ELF2: variants seen among roughly 807,000 people sequenced by gnomAD.
ELF2 encodes ETS-related transcription factor Elf-2.
A neutral mutation model predicts 54.8 loss-of-function variants in ELF2; 11 were observed. The observed-to-expected ratio is 0.20, with a 90% CI of 0.13 to 0.33. The LOEUF is 0.33. Ranked by LOEUF, ELF2 falls within the 10% of genes least tolerant of loss-of-function variation. The probability of loss-of-function intolerance (pLI) is 1.00; values close to 1 mark genes in which losing one functional copy is unlikely to be tolerated. For missense variants in ELF2, 513 were observed against 703.0 expected, an observed-to-expected ratio of 0.73 and a Z score of 3.06; for synonymous variants, 203 against 245.1, an observed-to-expected ratio of 0.83 and a Z score of 1.61.
chr4:139,140,287 C>T (rs995965677), intron 1 of ELF2, among the ~76,000 whole-genome samples: 5 of 152,194 alleles, frequency 3.3e-5, no homozygotes, highest in African/African-American at 1.2e-4. Flanking sequence ...CTACTTCTAA[C>T]TCCCAAGCCT....
At position 139,097,977 on chromosome 4, in the gene ELF2, G is replaced by A. The variant is rs576687634; in HGVS notation, c.239-24410C>T. ...AGCCTCCCAAAGCACTAGGATTACCGGCATGAGCTGCCATGCCTGGCTGAA... is the reference window on the plus strand; with the variant it reads ...AGCCTCCCAAAGCACTAGGATTACCAGCATGAGCTGCCATGCCTGGCTGAA... On this transcript the variant is annotated intron_variant, in intron 4 of 9. Transcript: ENST00000686138. Among the ~76,000 whole-genome samples the A allele has an allele frequency of 2.6e-5, 4 of 152,260 alleles. No homozygotes were observed. The East Asian group carries it at 5.8e-4, about 22-fold the overall frequency.
intron 1 of ELF2, among the ~76,000 whole-genome samples, chr4:139,157,888 G>A (rs916278607): frequency 6.6e-6 from 1 of 152,280 alleles, no homozygotes; most frequent in Middle Eastern, 3.4e-3. Flanking sequence ...GGATAAACTC[G>A]GGGCCAGTGG....
At chr4:139,101,900 C>T (rs1426562646) in intron 4 of ELF2, 1 of 151,504 alleles carries the variant, frequency 6.6e-6, no homozygotes, top group Non-Finnish European at 1.5e-5. Context: ...TTCTGCCAGC[C>T]TTGTTTTTCC....
At chr4:139,093,026 C>A (rs555488297) in intron 4 of ELF2, among the ~76,000 whole-genome samples, 1 of 146,608 alleles carries the variant, frequency 6.8e-6, no homozygotes, top group African/African-American at 2.5e-5. Context: ...AGTGCAGTGG[C>A]GCAATCTCGG....
chr4:139,114,577 A>T (rs1475130217), intron 4 of ELF2, among the ~76,000 whole-genome samples: 1 of 146,644 alleles, frequency 6.8e-6, no homozygotes, highest in Admixed American at 6.9e-5. Context: ...ACACACACAC[A>T]CACACACACA....
chr4:139,088,418 C>A (rs1385726135), intron 4 of ELF2, among the ~76,000 whole-genome samples: 1 of 152,042 alleles, frequency 6.6e-6, no homozygotes, highest in African/African-American at 2.4e-5. Flanking sequence ...TGAACTCTAC[C>A]CACTGAAAAA....
intron 3 of ELF2, among the ~76,000 whole-genome samples, chr4:139,128,009 C>T (rs185211015): frequency 6.6e-6 from 1 of 151,256 alleles, no homozygotes; most frequent in Non-Finnish European, 1.5e-5. Context: ...GCGGCTCACA[C>T]CTGTAATCCC....
At chr4:139,170,465 T>C (rs1270949436) in intron 1 of ELF2, among the ~76,000 whole-genome samples, 5 of 151,430 alleles carry the variant, frequency 3.3e-5, no homozygotes, top group South Asian at 2.1e-4. Context: ...GGTTTCACCA[T>C]GTTGGCCAGG....
chr4:139,091,756 A>C (rs1732598708), intron 4 of ELF2, among the ~76,000 whole-genome samples: 1 of 152,178 alleles, frequency 6.6e-6, no homozygotes, highest in Non-Finnish European at 1.5e-5. Context: ...TTGGGACTAC[A>C]GGCATGAGCC....
chr4:139,115,165 T>A lies in ELF2; in HGVS notation c.238+9999A>T, dbSNP rs1735516318. Reference sequence around the variant, plus strand: ...CTGCTCCAGGATCCACTCCTCTAGGTTGAGGCGCTTCCGTAGCTCCTTGCG... The same window carrying A: ...CTGCTCCAGGATCCACTCCTCTAGGATGAGGCGCTTCCGTAGCTCCTTGCG... On this transcript the variant is annotated intron_variant, in intron 4 of 9. Coordinates refer to ENST00000686138, the MANE Select transcript of ELF2 (RefSeq NM_001331036.3). 2.5e-6 allele frequency: 4 copies of A among 1,612,682 alleles called. No homozygotes were observed. The Admixed American group carries it at 6.7e-5, about 27-fold the overall frequency.
chr4:139,072,037 C>G lies in ELF2; in HGVS notation c.355G>C (p.Glu119Gln). The G allele has an allele frequency of 1.2e-6, 2 of 1,606,992 alleles. No individual in the cohort carries two copies. Among genetic ancestry groups the G allele is most frequent in the Non-Finnish European group, 1.7e-6 (2 of 1,178,518 alleles). The change falls in exon 6 of 10, where the codon GAA becomes CAA. Residue 119 changes from glutamate to glutamine, a missense_variant and splice_region_variant. By Grantham distance (29) the Glu-to-Gln change is conservative. This residue lies in a region of ELF2 where 203 missense variants were observed against 245.9 expected (regional missense o/e 0.83). Coordinates refer to ENST00000686138, the MANE Select transcript of ELF2 (RefSeq NM_001331036.3). ...TCLRDSRSPV[E>Q]VFVPPCVSTP... The stretch of plus-strand genomic sequence containing the variant: ...GATACACAAGGAGGAACAAACACTT[C>G]CACTATAAAAAAAAGTTGAAAAATT...
chr4:139,115,412 C>G, intron 4 of ELF2: 1 of 994,304 alleles, frequency 1.0e-6, no homozygotes. Flanking sequence ...TCGGGCCCCT[C>G]CCTGCGCCAC....
intron 4 of ELF2, among the ~76,000 whole-genome samples, chr4:139,074,083 G>A (rs753258441): frequency 6.6e-6 from 1 of 152,078 alleles, no homozygotes; most frequent in African/African-American, 2.4e-5. Flanking sequence ...AGCTGAGATC[G>A]CACCACTGCG....
intron 1 of ELF2, among the ~76,000 whole-genome samples, chr4:139,151,035 A>AAAAGAAAG (rs201472609): frequency 2.4e-5 from 1 of 42,526 alleles, no homozygotes; most frequent in African/African-American, 5.8e-5. Flanking sequence ...AAAAAAAAAA[A>AAAAGAAAG]GAAAGAAAGA....
At chr4:139,116,416 T>C (rs902103330) in intron 4 of ELF2, among the ~76,000 whole-genome samples, 1 of 149,812 alleles carries the variant, frequency 6.7e-6, no homozygotes, top group Non-Finnish European at 1.5e-5. Flanking sequence ...TCCAAGGAAG[T>C]AGAGGCATGA....
At position 139,154,634 on chromosome 4, in the gene ELF2, G is replaced by A. The variant is rs1740341591; in HGVS notation, c.-251-15137C>T. Among the ~76,000 whole-genome samples the A allele has an allele frequency of 2.0e-5, 3 of 151,576 alleles. 1 individual carries two copies. The South Asian group carries it at 6.3e-4, about 32-fold the overall frequency. On this transcript the variant is annotated intron_variant, in intron 1 of 9. Transcript: ENST00000686138. Reference sequence around the variant, plus strand: ...ATTTGCCTACTAGGAAATTCCTTGTGGGCCTCAAGATCTTTACACTAAAAT... The same window carrying A: ...ATTTGCCTACTAGGAAATTCCTTGTAGGCCTCAAGATCTTTACACTAAAAT...
chr4:139,081,841 C>G (rs1731158494), intron 4 of ELF2, among the ~76,000 whole-genome samples: 2 of 152,110 alleles, frequency 1.3e-5, no homozygotes, highest in Non-Finnish European at 2.9e-5. Context: ...TGTAAGGGAG[C>G]TTCAGATTAC....
chr4:139,159,655 G>C (rs930303260), intron 1 of ELF2, among the ~76,000 whole-genome samples: 8 of 152,050 alleles, frequency 5.3e-5, no homozygotes, highest in Non-Finnish European at 7.4e-5. Context: ...GTCCTGAAAT[G>C]ATGGGATCTG....
chr4:139,145,241 G>C (rs896077796), intron 1 of ELF2, among the ~76,000 whole-genome samples: 7 of 152,238 alleles, frequency 4.6e-5, no homozygotes, highest in African/African-American at 1.4e-4. Flanking sequence ...CAGCATTTAA[G>C]AAAGCCAACG....
Sources: gnomAD v4.1 joint callset for allele counts (sites outside exome capture counted in the v4.1 genomes callset) on GRCh38, gnomAD v4.1.1 for gene constraint, gnomAD v4.1.1 regional missense constraint, MANE v1.5 for transcripts, NCBI Gene and HGNC (gene_info 2026-07-23, HGNC 2026-07-21) for gene names.